DCTN2: variants seen among roughly 807,000 people sequenced by gnomAD.
DCTN2 encodes the protein dynactin subunit 2.
A neutral mutation model predicts 55.4 loss-of-function variants in DCTN2; 18 were observed. The observed-to-expected ratio is 0.32, with a 90% CI of 0.22 to 0.48. The LOEUF is 0.48. Ranked by LOEUF, DCTN2 falls within the 20% of genes least tolerant of loss-of-function variation. The pLI is 0.99. For missense variants in DCTN2, 390 were observed against 491.0 expected (o/e 0.79, Z 1.94); for synonymous variants, 168 against 185.2 (o/e 0.91, Z 0.76).
chr12:57,531,873 T>G (rs1879748587), intron 13 of DCTN2, 142 bp downstream of exon 13: 2 of 1,203,574 alleles, frequency 1.7e-6, no homozygotes, highest in Non-Finnish European at 2.3e-6. Flanking sequence ...GCCTTCACAT[T>G]GAAAGCAGGA....
At chr12:57,542,133 G>A (rs571652775) in intron 2 of DCTN2, among the ~76,000 whole-genome samples, 22 of 151,822 alleles carry the variant, frequency 1.4e-4, no homozygotes, top group South Asian at 2.1e-4. Flanking sequence ...AAAATTAGCC[G>A]GGTGTGGTGA....
At chr12:57,545,886 T>G in intron 2 of DCTN2, 142 bp downstream of exon 2, 1 of 735,244 alleles carries the variant, frequency 1.4e-6, no homozygotes, top group East Asian at 2.7e-5. Flanking sequence ...AGCAAGGTCT[T>G]TGCAAGCCCT....
rs370178550 is a variant in DCTN2, at chr12:57,546,985, C to T, written c.36+43G>A. 142 of 1,265,414 alleles carry T rather than the reference C, an allele frequency of 1.1e-4. 1 individual carries two copies. The African/African-American group carries it at 1.9e-3, about 17-fold the overall frequency. The allele number at this position is 1,265,414 out of a possible 1,614,324, so 78.4% of individuals were successfully genotyped here. A position where few individuals can be genotyped will look rare whatever the true frequency, so the allele number is the denominator to read the frequency against. On this transcript the variant is annotated intron_variant, in intron 1 of 13. Transcript: ENST00000548249. ...TTTCTGCTGGGGGTCCTTGGGAGGT[C>T]GGGGGCGCGGTCCTGGGGAGCCGGG...
intron 5 of DCTN2, among the ~76,000 whole-genome samples, chr12:57,534,776 C>T (rs1350399212): frequency 6.6e-6 from 1 of 152,174 alleles, no homozygotes; most frequent in Non-Finnish European, 1.5e-5. Flanking sequence ...AAGCAATTCT[C>T]CTGCCTTAGC....
intron 8 of DCTN2, 80 bp from the exon 9 acceptor site, chr12:57,533,102 G>C: frequency 6.4e-7 from 1 of 1,558,512 alleles, no homozygotes; most frequent in Non-Finnish European, 8.7e-7. Flanking sequence ...CCTGGTTCTA[G>C]CTGGGAACCC....
chr12:57,530,378 T>C lies in DCTN2; in HGVS notation c.*311A>G, dbSNP rs778533536. On this transcript the variant is annotated 3_prime_UTR_variant, in exon 14 of 14. Coordinates refer to ENST00000548249, the MANE Select transcript of DCTN2 (RefSeq NM_001261413.2). ...ATTACAGTCAGCCACAGAAGCTGTG[T>C]TGGGGGACAAGACCCAATCCTTCCC... is the stretch of plus-strand genomic sequence containing the variant. The C allele has an allele frequency of 2.9e-5, 9 of 312,260 alleles. No homozygotes were observed. The highest frequency in any genetic ancestry group is 4.9e-5 in the Non-Finnish European group (8 of 164,862). 19.3% of individuals were successfully genotyped at this position (312,260 alleles called of 1,614,324 possible).
chr12:57,533,251 T>C lies in DCTN2; in HGVS notation c.722A>G (p.Asp241Gly), dbSNP rs773492177. Residue 241 changes from aspartate to glycine, a missense_variant, in exon 8 of 14, where the codon GAT becomes GGT. Transcript: ENST00000548249. ...LTELETAVRC[D>G]QDAQNPLSAG... ...AGAACACCTGACCTGAGCATCCTGA[T>C]CACAACGTACAGCTGTCTCCAGCTC... 58 of 1,613,874 alleles carry C rather than the reference T, an allele frequency of 3.6e-5. No individual in the cohort carries two copies. The highest frequency in any genetic ancestry group is 4.8e-5 in the Non-Finnish European group (57 of 1,179,896).
At chr12:57,534,505 A>C in intron 5 of DCTN2, 53 bp from the exon 6 acceptor site, 1 of 1,540,650 alleles carries the variant, frequency 6.5e-7, no homozygotes, top group Non-Finnish European at 8.8e-7. Flanking sequence ...ATCAAGAAGC[A>C]AAAAAATAGG....
intron 3 of DCTN2, 65 bp downstream of exon 3, chr12:57,535,684 C>A (rs1749814866): frequency 1.3e-6 from 2 of 1,537,950 alleles, no homozygotes; most frequent in African/African-American, 1.4e-5. Flanking sequence ...GACTTTAGGA[C>A]AGGAAACCAC....
intron 2 of DCTN2, among the ~76,000 whole-genome samples, chr12:57,538,031 C>T (rs1290226951): frequency 6.6e-6 from 1 of 152,202 alleles, no homozygotes; most frequent in Non-Finnish European, 1.5e-5. Flanking sequence ...CCTACAGACC[C>T]AGGAAAAAAA....
At chr12:57,543,634 G>C (rs1246377563) in intron 2 of DCTN2, among the ~76,000 whole-genome samples, 1 of 152,222 alleles carries the variant, frequency 6.6e-6, no homozygotes, top group East Asian at 1.9e-4. Flanking sequence ...GCGGGGGCCA[G>C]AGACATTAGC....
At chr12:57,541,305 T>C (rs924793255) in intron 2 of DCTN2, 8 of 1,587,508 alleles carry the variant, frequency 5.0e-6, no homozygotes, top group South Asian at 3.3e-5. Context: ...TGGCAGAGCA[T>C]TGCATGCGAG....
intron 1 of DCTN2, 44 bp downstream of exon 1, chr12:57,546,984 T>G (rs1179536849): frequency 4.0e-6 from 5 of 1,264,864 alleles, no homozygotes; most frequent in African/African-American, 3.1e-5. Context: ...CCTTGGGAGG[T>G]CGGGGGCGCG....
Position 57,532,591 on chromosome 12 carries a change from T to C in DCTN2, c.905A>G (p.Asp302Gly). 6.2e-7 allele frequency: 1 copy of C among 1,614,006 alleles called. No homozygotes were observed. ...EIAKHKASVEDADTQSKVHQL... is the reference protein window; with the variant it reads ...EIAKHKASVEGADTQSKVHQL... ...CCTGACCTTGCTTTGTGTATCTGCA[T>C]CTTCTACAGAGGCTTTATGCTTGGC... is the stretch of plus-strand genomic sequence containing the variant. Residue 302 changes from aspartate (D) to glycine (G), a missense_variant, in exon 11 of 14, where the codon GAT (aspartate) becomes GGT (glycine). Physicochemically the swap from Asp to Gly is moderately conservative, Grantham distance 94. Transcript: ENST00000548249.
At chr12:57,535,424 A>G (rs1411791927) in intron 4 of DCTN2, 60 bp downstream of exon 4, 2 of 1,587,328 alleles carry the variant, frequency 1.3e-6, no homozygotes, top group Non-Finnish European at 1.7e-6. Flanking sequence ...TCCCTACTAC[A>G]TGTCTGCTAG....
chr12:57,531,113 A>G (rs1298288321), intron 13 of DCTN2, among the ~76,000 whole-genome samples: 1 of 152,200 alleles, frequency 6.6e-6, no homozygotes, highest in East Asian at 1.9e-4. Context: ...GAGGAAAAGG[A>G]TATTATTCTA....
At chr12:57,543,921 C>G (rs1880919491) in intron 2 of DCTN2, 2 of 842,434 alleles carry the variant, frequency 2.4e-6, no homozygotes, top group African/African-American at 1.8e-5. Context: ...GAGAAACAGC[C>G]AATCAGAGCT....
At chr12:57,541,642 A>G (rs1880704224) in intron 2 of DCTN2, among the ~76,000 whole-genome samples, 1 of 152,174 alleles carries the variant, frequency 6.6e-6, no homozygotes, top group Non-Finnish European at 1.5e-5. Context: ...GAGAGAAGCT[A>G]AATTGTTTCT....
At chr12:57,533,416 C>A in intron 7 of DCTN2, 113 bp from the exon 8 acceptor site, 1 of 937,108 alleles carries the variant, frequency 1.1e-6, no homozygotes, top group Non-Finnish European at 1.7e-6. Flanking sequence ...GATTCCTTTC[C>A]CTGGAATACA....
Sources: gnomAD v4.1 joint callset for allele counts (sites outside exome capture counted in the v4.1 genomes callset) on GRCh38, gnomAD v4.1.1 for gene constraint, MANE v1.5 for transcripts, NCBI Gene and HGNC (gene_info 2026-07-23, HGNC 2026-07-21) for gene names.